SLC30A8: variants seen among roughly 807,000 people sequenced by gnomAD.
SLC30A8 encodes solute carrier family 30 member 8, also known as proton-coupled zinc antiporter SLC30A8.
In SLC30A8, 27 loss-of-function variants were observed where a neutral mutation model predicts 36.9. The observed-to-expected ratio is 0.73, with a 90% CI of 0.54 to 1.01. The LOEUF is 1.01. Ranked by LOEUF, SLC30A8 falls within the 50% of genes least tolerant of loss-of-function variation. The pLI is 0.00. For missense variants in SLC30A8, 439 were observed against 452.0 expected (o/e 0.97, Z 0.26); for synonymous variants, 164 against 172.4 (o/e 0.95, Z 0.38).
At chr8:117,015,487 A>G (rs1002298061) in intron 1 of SLC30A8, among the ~76,000 whole-genome samples, 2 of 151,980 alleles carry the variant, frequency 1.3e-5, no homozygotes, top group Non-Finnish European at 2.9e-5. Flanking sequence ...CATTTCCTAA[A>G]GTGGGTCCAA....
chr8:116,982,530 C>G (rs1274948416), intron 1 of SLC30A8, among the ~76,000 whole-genome samples: 1 of 152,120 alleles, frequency 6.6e-6, no homozygotes, highest in Non-Finnish European at 1.5e-5. Flanking sequence ...GCTACACACA[C>G]AAGAAAGATT....
At chr8:116,986,306 G>A (rs143875629) in intron 1 of SLC30A8, among the ~76,000 whole-genome samples, 10 of 152,118 alleles carry the variant, frequency 6.6e-5, no homozygotes, top group African/African-American at 1.9e-4. Flanking sequence ...TTCATTGACC[G>A]GTCTGGTAGG....
intron 2 of SLC30A8, among the ~76,000 whole-genome samples, chr8:117,045,919 T>G (rs914394721): frequency 1.4e-5 from 2 of 142,874 alleles, no homozygotes; most frequent in Admixed American, 7.1e-5. Context: ...GGGCAGACTG[T>G]TTTTTTTTTT....
At chr8:117,011,146 A>C (rs888293271) in intron 1 of SLC30A8, among the ~76,000 whole-genome samples, 1 of 152,250 alleles carries the variant, frequency 6.6e-6, no homozygotes, top group African/African-American at 2.4e-5. Flanking sequence ...AGAAATAGCC[A>C]TAAGAACAGG....
chr8:117,035,098 C>T (rs146920720), intron 1 of SLC30A8, among the ~76,000 whole-genome samples: 1,545 of 152,172 alleles, frequency 0.01, 23 homozygotes, highest in African/African-American at 0.034. Context: ...ACCCCTGGCC[C>T]CTCCCAAATC....
intron 1 of SLC30A8, among the ~76,000 whole-genome samples, chr8:117,142,891 C>A (rs1056330124): frequency 6.6e-6 from 1 of 152,248 alleles, no homozygotes; most frequent in African/African-American, 2.4e-5. Flanking sequence ...AACATGGTAT[C>A]ATTAACACTT....
chr8:117,143,136 G>C (rs867168897), intron 1 of SLC30A8, among the ~76,000 whole-genome samples: 1 of 152,054 alleles, frequency 6.6e-6, no homozygotes, highest in Non-Finnish European at 1.5e-5. Flanking sequence ...TTTGGAGATA[G>C]AAGCAAAGTT....
At chr8:116,964,819 TAAACACTTGGG>T in intron 1 of SLC30A8, among the ~76,000 whole-genome samples, 1 of 152,382 alleles carries the variant, frequency 6.6e-6, no homozygotes, top group East Asian at 1.9e-4. Flanking sequence ...CCTGACTCAG[TAAACACTTGGG>T]AAAGAGTTTT....
At chr8:116,959,289 A>G (rs1399976676) in intron 1 of SLC30A8, among the ~76,000 whole-genome samples, 1 of 152,140 alleles carries the variant, frequency 6.6e-6, no homozygotes, top group East Asian at 1.9e-4. Context: ...GATCTCCCAC[A>G]TTATAGTTTT....
intron 4 of SLC30A8, among the ~76,000 whole-genome samples, chr8:117,160,038 G>A (rs1387321612): frequency 6.6e-6 from 1 of 152,188 alleles, no homozygotes; most frequent in Non-Finnish European, 1.5e-5. Context: ...AATGCTGAGT[G>A]ACTATAATAT....
In SLC30A8 at chr8:117,095,223, TAGC is replaced by T. The variant is rs1819305668; in HGVS notation, c.-225-40050_-225-40048del. On this transcript the variant is annotated intron_variant, in intron 2 of 10. Transcript: ENST00000427715. ...ACCTCTCCGACTGTAGCCAGTGTCA[TAGC>T]AGCAGCTGCTCTAGATGGGCCGCTG... Among the ~76,000 whole-genome samples, 3 of 152,326 alleles carry T rather than the reference TAGC, an allele frequency of 2.0e-5. No individual in the cohort carries two copies. In the South Asian group the frequency reaches 6.2e-4, roughly 32 times the overall value.
chr8:117,107,406 C>T (rs796198895), intron 2 of SLC30A8, among the ~76,000 whole-genome samples: 19 of 152,200 alleles, frequency 1.2e-4, no homozygotes, highest in African/African-American at 4.6e-4. Flanking sequence ...ATTTGAGGAG[C>T]AGATGGAAAG....
At chr8:117,138,060 C>CAAAAAAAAAAAAAAAAAAAA (rs60065374) in intron 1 of SLC30A8, among the ~76,000 whole-genome samples, 4 of 49,954 alleles carry the variant, frequency 8.0e-5, no homozygotes, top group Non-Finnish European at 1.3e-4. Context: ...TTCATTGTAG[C>CAAAAAAAAAAAAAAAAAAAA]AAAAAAAAAA....
At chr8:116,972,119 G>A (rs995736054) in intron 1 of SLC30A8, among the ~76,000 whole-genome samples, 1 of 152,102 alleles carries the variant, frequency 6.6e-6, no homozygotes, top group Non-Finnish European at 1.5e-5. Flanking sequence ...TAATACCTTT[G>A]TTCAAAAATT....
chr8:117,137,406 A>T (rs1325908002), intron 1 of SLC30A8, among the ~76,000 whole-genome samples: 1 of 151,992 alleles, frequency 6.6e-6, no homozygotes, highest in Non-Finnish European at 1.5e-5. Flanking sequence ...AAACTTTATT[A>T]TCTAATTCCA....
chr8:117,013,630 C>T (rs761127725), intron 1 of SLC30A8, among the ~76,000 whole-genome samples: 1 of 151,950 alleles, frequency 6.6e-6, no homozygotes, highest in South Asian at 2.1e-4. Context: ...ATATATATAC[C>T]TGGACTTGGT....
intron 1 of SLC30A8, among the ~76,000 whole-genome samples, chr8:117,142,239 G>A (rs1554589252): frequency 6.6e-6 from 1 of 152,028 alleles, no homozygotes; most frequent in Non-Finnish European, 1.5e-5. Flanking sequence ...CCTCCCAAAA[G>A]TCCCTCAAAT....
intron 1 of SLC30A8, among the ~76,000 whole-genome samples, chr8:117,007,382 G>A (rs3019883): frequency 0.37 from 55,643 of 151,882 alleles, 11,085 homozygotes; most frequent in South Asian, 0.49. Context: ...CTCTCATATT[G>A]TTTTTCTGAA....
intron 1 of SLC30A8, among the ~76,000 whole-genome samples, chr8:116,974,120 T>C (rs1466420126): frequency 1.3e-5 from 2 of 152,122 alleles, no homozygotes; most frequent in Non-Finnish European, 2.9e-5. Context: ...ATTCAGGACA[T>C]AGGCCTAAGC....
Sources: gnomAD v4.1 joint callset for allele counts (sites outside exome capture counted in the v4.1 genomes callset) on GRCh38, gnomAD v4.1.1 for gene constraint, MANE v1.5 for transcripts, NCBI Gene and HGNC (gene_info 2026-07-23, HGNC 2026-07-21) for gene names.